The following PTGER3 variants were observed in gnomAD, a reference collection of about 807,000 sequenced individuals.
PTGER3 encodes prostaglandin E2 receptor EP3 subtype.
In PTGER3, 22 loss-of-function variants were observed where a neutral mutation model predicts 34.7. That is an observed-to-expected ratio of 0.63 (90% CI 0.45 to 0.91). The LOEUF (loss-of-function observed/expected upper bound fraction) is 0.91, where lower values mean the gene tolerates loss of function less well. Among genes scored for constraint, PTGER3 ranks in the 40% least tolerant of loss-of-function variants. The pLI is 0.00. For synonymous variants in PTGER3, 241 were observed against 230.1 expected, an observed-to-expected ratio of 1.05 and a Z score of -0.43; for missense variants, 468 against 519.4, an observed-to-expected ratio of 0.90 and a Z score of 0.96.
chr1:70,986,906 C>T (rs1471701834), intron 2 of PTGER3, among the ~76,000 whole-genome samples: 1 of 152,162 alleles, frequency 6.6e-6, no homozygotes, highest in Admixed American at 6.5e-5. Flanking sequence ...TACTCTTCTA[C>T]CTCCTAGCTC....
intron 1 of PTGER3, among the ~76,000 whole-genome samples, chr1:71,021,144 T>C (rs1658382376): frequency 6.6e-6 from 1 of 152,160 alleles, no homozygotes; most frequent in Admixed American, 6.5e-5. Context: ...GCTAATAAAG[T>C]AGTTTTAGAA....
intron 4 of PTGER3, among the ~76,000 whole-genome samples, chr1:70,881,669 T>A (rs1236622386): frequency 6.6e-6 from 1 of 152,144 alleles, no homozygotes; most frequent in Admixed American, 6.5e-5. Flanking sequence ...CTGGCTTCAA[T>A]TATAGTCTGC....
chr1:70,969,757 A>T (rs1652896686), downstream of PTGER3, among the ~76,000 whole-genome samples: 1 of 152,210 alleles, frequency 6.6e-6, no homozygotes, highest in African/African-American at 2.4e-5. Flanking sequence ...GATTCCGTTC[A>T]TGACATTTAA....
intron 1 of PTGER3, among the ~76,000 whole-genome samples, chr1:71,043,432 T>A (rs1660482068): frequency 2.0e-5 from 3 of 152,222 alleles, no homozygotes; most frequent in African/African-American, 7.2e-5. Context: ...TAGTGTGAAC[T>A]TGTAGCTGTT....
chr1:70,892,854 A>G (rs1646646967), intron 4 of PTGER3, among the ~76,000 whole-genome samples: 1 of 151,282 alleles, frequency 6.6e-6, no homozygotes, highest in African/African-American at 2.4e-5. Flanking sequence ...AAAAAAAAAA[A>G]AGAAAGAAAA....
intron 4 of PTGER3, among the ~76,000 whole-genome samples, chr1:70,944,969 G>A (rs549932429): frequency 1.6e-4 from 25 of 152,140 alleles, no homozygotes; most frequent in Non-Finnish European, 2.8e-4. Context: ...CTTCTCATCC[G>A]TACCAGTGCA....
chr1:70,890,722 G>T (rs913937662), intron 4 of PTGER3, among the ~76,000 whole-genome samples: 4 of 152,008 alleles, frequency 2.6e-5, no homozygotes, highest in African/African-American at 9.7e-5. Context: ...TATCCTTCAT[G>T]GTGCTATAAG....
At chr1:70,937,427 G>C (rs1649328518) in intron 4 of PTGER3, among the ~76,000 whole-genome samples, 2 of 152,122 alleles carry the variant, frequency 1.3e-5, no homozygotes, top group Non-Finnish European at 2.9e-5. Context: ...GCAGGTGGGA[G>C]GTCTGAACAG....
At chr1:71,012,241 T>G (rs748397162) in intron 2 of PTGER3, 64 bp downstream of exon 2, 13 of 1,613,728 alleles carry the variant, frequency 8.1e-6, no homozygotes, top group Non-Finnish European at 1.1e-5. Flanking sequence ...ATTATTTCAT[T>G]AGATAATGAG....
At chr1:70,986,408 G>A (rs982287656) in intron 2 of PTGER3, among the ~76,000 whole-genome samples, 2 of 152,040 alleles carry the variant, frequency 1.3e-5, no homozygotes, top group Non-Finnish European at 2.9e-5. Context: ...TTCCTGTAAC[G>A]CCATGGCAGA....
At chr1:70,954,468 A>G (rs1012011197) in intron 2 of PTGER3, among the ~76,000 whole-genome samples, 1 of 152,156 alleles carries the variant, frequency 6.6e-6, no homozygotes. Context: ...TTACTCTTAA[A>G]AATGTTCAGA....
At chr1:70,954,886 AGT>A (rs1379472399) in intron 2 of PTGER3, among the ~76,000 whole-genome samples, 1 of 152,178 alleles carries the variant, frequency 6.6e-6, no homozygotes, top group Non-Finnish European at 1.5e-5. Context: ...ATGAAATTAA[AGT>A]AAGGTATTCT....
intron 1 of PTGER3, among the ~76,000 whole-genome samples, chr1:71,024,609 A>C (rs1658718042): frequency 6.7e-6 from 1 of 150,300 alleles, no homozygotes; most frequent in Non-Finnish European, 1.5e-5. Context: ...GTTTTCATGT[A>C]ATGGACAAAT....
chr1:70,917,658 A>C (rs999819111), intron 4 of PTGER3, among the ~76,000 whole-genome samples: 40 of 151,914 alleles, frequency 2.6e-4, no homozygotes, highest in African/African-American at 8.7e-4. Context: ...GGCTGTACTA[A>C]TTTACATTTC....
chr1:70,994,182 T>C (rs1323538275), intron 2 of PTGER3, among the ~76,000 whole-genome samples: 1 of 152,152 alleles, frequency 6.6e-6, no homozygotes, highest in East Asian at 1.9e-4. Context: ...TCTGAATTAA[T>C]CAAAAACTGT....
chr1:70,992,539 C>T (rs1655572985), intron 2 of PTGER3, among the ~76,000 whole-genome samples: 1 of 152,204 alleles, frequency 6.6e-6, no homozygotes, highest in African/African-American at 2.4e-5. Flanking sequence ...CTCCTTTTGA[C>T]TCAATGATCT....
chr1:70,939,991 A>T (rs953497335), intron 4 of PTGER3, among the ~76,000 whole-genome samples: 1 of 152,178 alleles, frequency 6.6e-6, no homozygotes, highest in African/African-American at 2.4e-5. Flanking sequence ...TCAGGCTGCA[A>T]ATTTTCCAAA....
chr1:70,902,524 A>T (rs1646861830), intron 4 of PTGER3, among the ~76,000 whole-genome samples: 1 of 152,258 alleles, frequency 6.6e-6, no homozygotes, highest in Non-Finnish European at 1.5e-5. Flanking sequence ...TCACACTGTG[A>T]TAAGTGCTGG....
intron 4 of PTGER3, among the ~76,000 whole-genome samples, chr1:70,943,689 T>C (rs2100553108): frequency 6.6e-6 from 1 of 152,216 alleles, no homozygotes; most frequent in South Asian, 2.1e-4. Flanking sequence ...AATATTTTTT[T>C]CCACAAATTT....
Sources: allele counts gnomAD v4.1 joint callset (sites outside exome capture counted in the v4.1 genomes callset), GRCh38; gene constraint gnomAD v4.1.1; transcripts MANE v1.5; gene names NCBI Gene and HGNC (gene_info 2026-07-23, HGNC 2026-07-21).